ZBTB8A: variants seen among roughly 807,000 people sequenced by gnomAD.
ZBTB8A encodes zinc finger and BTB domain containing 8A.
Under a neutral mutation model 37.8 loss-of-function variants are expected in ZBTB8A, and 19 were observed. The observed-to-expected ratio is 0.50, with a 90% CI of 0.35 to 0.74. The LOEUF (loss-of-function observed/expected upper bound fraction) is 0.74, where lower values mean the gene tolerates loss of function less well. ZBTB8A is among the 30% of genes least tolerant of loss of function. ZBTB8A has a pLI of 0.01. For synonymous variants in ZBTB8A, 181 were observed against 185.2 expected, an observed-to-expected ratio of 0.98 and a Z score of 0.19; for missense variants, 394 against 537.8, an observed-to-expected ratio of 0.73 and a Z score of 2.65.
At position 32,601,708 on chromosome 1, in the gene ZBTB8A, T is replaced by C. The variant is rs1471084006; in HGVS notation, c.*1289T>C. On this transcript the variant is annotated 3_prime_UTR_variant, in exon 5 of 5. Transcript: ENST00000373510. ...TCTTTCAGCCTTCTCTCCCTGTATG[T>C]CTCCTGAAATGGCAAAGAATAGAAG... The C allele has an allele frequency of 2.5e-6, 1 of 398,380 alleles. No homozygotes were observed. The highest frequency in any genetic ancestry group is 2.1e-5 in the African/African-American group (1 of 48,600). The allele number at this position is 398,380 out of a possible 1,614,324, so 24.7% of individuals were successfully genotyped here.
At chr1:32,561,556 GTTTTGTTTTTGT>G (rs546495609) in intron 2 of ZBTB8A, among the ~76,000 whole-genome samples, 7 of 151,956 alleles carry the variant, frequency 4.6e-5, no homozygotes, top group African/African-American at 1.2e-4. Flanking sequence ...TGTGTTTGTG[GTTTTGTTTTTGT>G]TTTTGTTTTT....
Position 32,600,253 on chromosome 1 carries a change from T to A in ZBTB8A, c.1160T>A (p.Leu387His). The stretch of plus-strand genomic sequence containing the variant: ...ATTGACTTGGAAGCTGAACAACATC[T>A]TATGTCCCCATCAGATGGAGATAAG... ...LPIDLEAEQH[L>H]MSPSDGDKDS... The change falls in exon 5 of 5, where the codon CTT (leucine) becomes CAT (histidine). Residue 387 changes from leucine to histidine, a missense_variant. Physicochemically the swap from Leu to His is moderately conservative, Grantham distance 99 (BLOSUM62 -3). Coordinates refer to ENST00000373510, the MANE Select transcript of ZBTB8A (RefSeq NM_001040441.3). The A allele has an allele frequency of 6.2e-7, 1 of 1,614,148 alleles. No individual in the cohort carries two copies. Among genetic ancestry groups the A allele is most frequent in the Non-Finnish European group, 8.5e-7 (1 of 1,180,026 alleles).
At chr1:32,570,020 T>A (rs1288459651) in intron 2 of ZBTB8A, among the ~76,000 whole-genome samples, 1 of 152,234 alleles carries the variant, frequency 6.6e-6, no homozygotes, top group Non-Finnish European at 1.5e-5. Flanking sequence ...TTTACCATGA[T>A]GTTTTTCTAT....
In ZBTB8A at chr1:32,558,438, AACACACAC is replaced by A. The variant is rs35047367; in HGVS notation, c.-2+4928_-2+4935del. On this transcript the variant is annotated intron_variant, in intron 2 of 4. Transcript: ENST00000373510. ...TACTTTCTAGAAGAGCTAAGTATTA[AACACACAC>A]ACACACACACACACACACACACACA... 4.6e-4 allele frequency among the ~76,000 whole-genome samples: 67 copies of A among 145,758 alleles called. No homozygotes were observed. The South Asian group carries it at 4.9e-3, about 11-fold the overall frequency.
chr1:32,590,164 G>A (rs1332356982), intron 2 of ZBTB8A, among the ~76,000 whole-genome samples: 1 of 151,256 alleles, frequency 6.6e-6, no homozygotes, highest in African/African-American at 2.4e-5. Flanking sequence ...GAACTCCTGG[G>A]CTCAAGCGAT....
chr1:32,599,446 C>T (rs751645160), intron 4 of ZBTB8A, among the ~76,000 whole-genome samples: 4 of 151,944 alleles, frequency 2.6e-5, no homozygotes, highest in Non-Finnish European at 4.4e-5. Context: ...ATGCTGGGCG[C>T]GGTGCCTCAC....
chr1:32,569,038 T>C (rs1217734695), intron 2 of ZBTB8A, among the ~76,000 whole-genome samples: 2 of 152,160 alleles, frequency 1.3e-5, no homozygotes, highest in African/African-American at 4.8e-5. Flanking sequence ...AACTGCTAAA[T>C]AATTTTCCAA....
intron 4 of ZBTB8A, among the ~76,000 whole-genome samples, chr1:32,595,791 A>G (rs1644526077): frequency 6.6e-6 from 1 of 151,684 alleles, no homozygotes; most frequent in African/African-American, 2.4e-5. Flanking sequence ...CTGGGACTAC[A>G]GGCCTGCACC....
At chr1:32,590,125 G>T (rs953187992) in intron 2 of ZBTB8A, among the ~76,000 whole-genome samples, 2 of 151,376 alleles carry the variant, frequency 1.3e-5, no homozygotes, top group South Asian at 2.1e-4. Flanking sequence ...TAGAGATGGG[G>T]ATCTTACCAT....
At chr1:32,540,340 C>T (rs145662042) in intron 1 of ZBTB8A, among the ~76,000 whole-genome samples, 1 of 152,298 alleles carries the variant, frequency 6.6e-6, no homozygotes, top group Non-Finnish European at 1.5e-5. Flanking sequence ...GATTCACACA[C>T]ACCTGGTGGG....
chr1:32,563,770 G>A (rs1350082147), intron 2 of ZBTB8A, among the ~76,000 whole-genome samples: 1 of 152,084 alleles, frequency 6.6e-6, no homozygotes, highest in Admixed American at 6.6e-5. Flanking sequence ...ACCACGCCCA[G>A]CCACCTTCTT....
chr1:32,587,168 G>A (rs777802407), intron 2 of ZBTB8A, among the ~76,000 whole-genome samples: 15 of 150,902 alleles, frequency 9.9e-5, no homozygotes, highest in East Asian at 2.0e-4. Flanking sequence ...GAACTCTGGA[G>A]GCCGAGGTTT....
intron 2 of ZBTB8A, among the ~76,000 whole-genome samples, chr1:32,559,867 G>A (rs1193797619): frequency 1.3e-5 from 2 of 152,148 alleles, no homozygotes; most frequent in African/African-American, 2.4e-5. Flanking sequence ...AGAAGAGGAA[G>A]GGAGATATGA....
chr1:32,564,816 A>AT (rs936406317), intron 2 of ZBTB8A, among the ~76,000 whole-genome samples: 5 of 152,146 alleles, frequency 3.3e-5, no homozygotes, highest in African/African-American at 9.7e-5. Context: ...GTAGTATATC[A>AT]TTTAACTGCA....
intron 2 of ZBTB8A, among the ~76,000 whole-genome samples, chr1:32,563,472 C>CT (rs1039613333): frequency 6.0e-5 from 9 of 151,168 alleles, no homozygotes; most frequent in Admixed American, 4.0e-4. Context: ...TCTTTTTTTT[C>CT]TTTTTTTTGA....
intron 2 of ZBTB8A, among the ~76,000 whole-genome samples, chr1:32,561,641 C>T (rs1644244678): frequency 1.3e-5 from 2 of 152,082 alleles, no homozygotes; most frequent in South Asian, 2.1e-4. Flanking sequence ...AGCAGTCTGC[C>T]CTTCCTTGGC....
At chr1:32,560,515 TTTGTTG>T (rs528361804) in intron 2 of ZBTB8A, among the ~76,000 whole-genome samples, 1 of 151,976 alleles carries the variant, frequency 6.6e-6, no homozygotes, top group African/African-American at 2.4e-5. Context: ...TTCAGCGTTT[TTTGTTG>T]TTGTTGTTGT....
chr1:32,550,604 AGAATGAGACCCT>A (rs1430018299), intron 1 of ZBTB8A, among the ~76,000 whole-genome samples: 1 of 151,952 alleles, frequency 6.6e-6, no homozygotes, highest in African/African-American at 2.4e-5. Flanking sequence ...AGCCTAGGTG[AGAATGAGACCCT>A]GTAGCAAAAA....
intron 1 of ZBTB8A, among the ~76,000 whole-genome samples, chr1:32,550,462 C>CA (rs1010763211): frequency 3.3e-5 from 5 of 151,374 alleles, no homozygotes; most frequent in African/African-American, 7.3e-5. Context: ...ACAAAAAATA[C>CA]AAAAAAAATA....
Sources: gnomAD v4.1 joint callset for allele counts (sites outside exome capture counted in the v4.1 genomes callset) on GRCh38, gnomAD v4.1.1 for gene constraint, MANE v1.5 for transcripts, NCBI Gene and HGNC (gene_info 2026-07-23, HGNC 2026-07-21) for gene names.